The following ROPN1L variants were observed in gnomAD, a reference collection of about 807,000 sequenced individuals.
ROPN1L encodes ropporin-1-like protein.
ROPN1L carries 23 observed loss-of-function variants against 22.7 expected under a neutral mutation model. That is an observed-to-expected ratio of 1.01 (90% CI 0.73 to 1.43). ROPN1L has a LOEUF of 1.43. Ranked by LOEUF, ROPN1L falls within the 40% of genes most tolerant of loss-of-function variation. The pLI is 0.00. For synonymous variants in ROPN1L, 116 were observed against 117.8 expected (o/e 0.98, Z 0.10); for missense variants, 271 against 291.5 (o/e 0.93, Z 0.51).
intron 1 of ROPN1L, among the ~76,000 whole-genome samples, chr5:10,443,109 C>T (rs907764362): frequency 6.6e-6 from 1 of 152,084 alleles, no homozygotes; most frequent in Non-Finnish European, 1.5e-5. Flanking sequence ...AATCCCAGCA[C>T]TTTGGGAGGC....
downstream of ROPN1L, among the ~76,000 whole-genome samples, chr5:10,472,289 A>G (rs568789204): frequency 1.3e-5 from 2 of 152,154 alleles, no homozygotes; most frequent in East Asian, 1.9e-4. Context: ...AAGTCCACCC[A>G]TCAACCAATC....
the ROPN1L span, among the ~76,000 whole-genome samples, chr5:10,480,360 C>T: frequency 5.9e-5 from 9 of 152,262 alleles, no homozygotes; most frequent in East Asian, 1.3e-3. Context: ...ATGAACCTCC[C>T]GGAGTAGGAT....
At chr5:10,461,493 C>A in intron 4 of ROPN1L, 134 bp downstream of exon 4, 1 of 773,946 alleles carries the variant, frequency 1.3e-6, no homozygotes, top group Admixed American at 2.5e-5. Context: ...CAGAAGACTG[C>A]TATGATCAAA....
chr5:10,449,635 T>G (rs1415793445), intron 2 of ROPN1L, among the ~76,000 whole-genome samples: 1 of 152,268 alleles, frequency 6.6e-6, no homozygotes, highest in Non-Finnish European at 1.5e-5. Context: ...TTACTGAGCT[T>G]TATTTTTTAT....
intron 3 of ROPN1L, among the ~76,000 whole-genome samples, chr5:10,456,190 A>G (rs1741416462): frequency 6.6e-6 from 1 of 152,240 alleles, no homozygotes; most frequent in Admixed American, 6.5e-5. Context: ...ATACTTGGTT[A>G]AAAACTAAGT....
chr5:10,461,853 C>T (rs1000330300), intron 4 of ROPN1L, among the ~76,000 whole-genome samples: 2 of 151,916 alleles, frequency 1.3e-5, no homozygotes, highest in South Asian at 2.1e-4. Context: ...CAGAGGAAGA[C>T]AGACAAAGGG....
intron 3 of ROPN1L, among the ~76,000 whole-genome samples, chr5:10,460,594 C>T (rs1735001038): frequency 6.6e-6 from 1 of 152,244 alleles, no homozygotes; most frequent in African/African-American, 2.4e-5. Flanking sequence ...TGAACGGTCT[C>T]AGGGAGGAAG....
chr5:10,472,977 G>C (rs568849280), downstream of ROPN1L, among the ~76,000 whole-genome samples: 3 of 152,252 alleles, frequency 2.0e-5, no homozygotes, highest in East Asian at 1.9e-4. Flanking sequence ...AGAGTGCCAG[G>C]GTTCCCAGGG....
chr5:10,464,925 A>G lies in ROPN1L; in HGVS notation c.671A>G (p.Asn224Ser). Residue 224 changes from asparagine to serine, a missense_variant, in exon 5 of 5, where the codon AAC (asparagine) becomes AGC (serine). By Grantham distance (46) the Asn-to-Ser change is conservative. Transcript: ENST00000274134. ...PKRKLLESIE[N>S]SEDVGH The stretch of plus-strand genomic sequence containing the variant: ...AGGAAACTTTTAGAAAGCATTGAAA[A>G]CTCTGAAGATGTAGGCCATTAATAC... 1.2e-6 allele frequency: 2 copies of G among 1,600,472 alleles called. No homozygotes were observed. The highest frequency in any genetic ancestry group is 1.7e-5 in the Admixed American group (1 of 58,272).
At chr5:10,474,547 G>T (rs1003621518), downstream of ROPN1L, among the ~76,000 whole-genome samples, 2 of 152,240 alleles carry the variant, frequency 1.3e-5, no homozygotes, top group Admixed American at 6.5e-5. Context: ...ACACTGCCAG[G>T]AGCTGAATTC....
intron 3 of ROPN1L, among the ~76,000 whole-genome samples, chr5:10,450,413 T>G (rs1741215983): frequency 6.6e-6 from 1 of 152,226 alleles, no homozygotes; most frequent in Non-Finnish European, 1.5e-5. Flanking sequence ...TACAAATCAT[T>G]TTGTAAACTG....
chr5:10,474,849 T>A (rs538222881), downstream of ROPN1L, among the ~76,000 whole-genome samples: 76 of 152,368 alleles, frequency 5.0e-4, no homozygotes, highest in African/African-American at 1.6e-3. Flanking sequence ...GCTTTTTTGC[T>A]GATTTGGTGG....
chr5:10,476,721 A>C (rs78144349), downstream of ROPN1L, among the ~76,000 whole-genome samples: 1 of 152,270 alleles, frequency 6.6e-6, no homozygotes, highest in African/African-American at 2.4e-5. Flanking sequence ...TAAAACAAAG[A>C]CATGAAAATA....
At chr5:10,457,560 T>A (rs2126454881) in intron 3 of ROPN1L, among the ~76,000 whole-genome samples, 1 of 152,360 alleles carries the variant, frequency 6.6e-6, no homozygotes. Context: ...TGTCTGCTCC[T>A]CGCAGTAACC....
chr5:10,465,950 A>G (rs1735146308), downstream of ROPN1L, among the ~76,000 whole-genome samples: 1 of 152,166 alleles, frequency 6.6e-6, no homozygotes, highest in Admixed American at 6.5e-5. Flanking sequence ...GGGCATTGGC[A>G]GCTGAGGCTG....
intron 1 of ROPN1L, among the ~76,000 whole-genome samples, chr5:10,443,571 G>A (rs949790913): frequency 2.4e-4 from 37 of 151,640 alleles, no homozygotes; most frequent in African/African-American, 9.0e-4. Flanking sequence ...GCAGTGAGCC[G>A]AGATTGCGCC....
chr5:10,482,654 G>A, the ROPN1L span, among the ~76,000 whole-genome samples: 1 of 152,172 alleles, frequency 6.6e-6, no homozygotes. Flanking sequence ...TGGAACTGGG[G>A]TCCTGGTGGG....
chr5:10,451,974 A>C (rs775178845), intron 3 of ROPN1L, among the ~76,000 whole-genome samples: 2 of 150,748 alleles, frequency 1.3e-5, no homozygotes, highest in Admixed American at 6.6e-5. Context: ...TAATCTATCT[A>C]TCTATATCTG....
intron 3 of ROPN1L, 30 bp downstream of exon 3, chr5:10,450,143 T>G: frequency 1.3e-6 from 2 of 1,508,876 alleles, no homozygotes; most frequent in Non-Finnish European, 1.8e-6. Context: ...ATATTAATAA[T>G]TCTGTGTCAT....
Sources: allele counts gnomAD v4.1 joint callset (sites outside exome capture counted in the v4.1 genomes callset), GRCh38; gene constraint gnomAD v4.1.1; transcripts MANE v1.5; gene names NCBI Gene and HGNC (gene_info 2026-07-23, HGNC 2026-07-21).